PTPRN2: variants seen among roughly 807,000 people sequenced by gnomAD.
PTPRN2 encodes the protein protein tyrosine phosphatase receptor type N2, also known as receptor-type tyrosine-protein phosphatase N2.
Under a neutral mutation model 118.8 loss-of-function variants are expected in PTPRN2, and 74 were observed. The ratio of observed to expected loss-of-function variants is 0.62; its 90% CI spans 0.52 to 0.76. The LOEUF (loss-of-function observed/expected upper bound fraction) is 0.76, where lower values mean the gene tolerates loss of function less well. Ranked by LOEUF, PTPRN2 falls within the 30% of genes least tolerant of loss-of-function variation. PTPRN2 has a pLI of 0.00. For synonymous variants in PTPRN2, 641 were observed against 608.0 expected, an observed-to-expected ratio of 1.05 and a Z score of -0.80; for missense variants, 1,481 against 1,394.4, an observed-to-expected ratio of 1.06 and a Z score of -0.99.
chr7:158,341,722 C>G (rs1199202557), intron 2 of PTPRN2, among the ~76,000 whole-genome samples: 24 of 140,298 alleles, frequency 1.7e-4, no homozygotes, highest in Non-Finnish European at 2.3e-4. Context: ...CACCATAGAG[C>G]TGACGCCCGC....
chr7:158,320,894 C>T (rs1440176155), intron 2 of PTPRN2, among the ~76,000 whole-genome samples: 1 of 151,990 alleles, frequency 6.6e-6, no homozygotes, highest in Non-Finnish European at 1.5e-5. Flanking sequence ...TGGATACGTG[C>T]CTAGCAGTGA....
rs540028633 is a variant in PTPRN2, at chr7:158,528,418, G to A, written c.113-38633C>T. ...CCTGTGAAATGCACATTTACAAAGC[G>A]TCACCTGGTGTATCAGGAACAGGTT... On this transcript the variant is annotated intron_variant, in intron 1 of 22. Transcript: ENST00000389418. Among the ~76,000 whole-genome samples, 74 of 152,240 alleles carry A rather than the reference G, an allele frequency of 4.9e-4. 1 individual carries two copies. Among genetic ancestry groups the A allele is most frequent in the African/African-American group, 1.7e-3 (70 of 41,534 alleles).
chr7:157,574,304 A>G, intron 19 of PTPRN2: 2 of 493,514 alleles, frequency 4.1e-6, no homozygotes, highest in Non-Finnish European at 8.7e-6. Flanking sequence ...GGCTCAGAAA[A>G]GGGGCTTTCC....
Position 158,081,306 on chromosome 7 carries a change from T to C in PTPRN2, c.1715A>G (p.Lys572Arg), listed in dbSNP as rs753698839. Residue 572 changes from lysine (K) to arginine (R), a missense_variant, in exon 11 of 23, where the codon AAG (lysine) becomes AGG (arginine). Physicochemically the swap from Lys to Arg is conservative, Grantham distance 26 (BLOSUM62 2). Around this residue, in one of 3 missense-constraint regions of PTPRN2, gnomAD observed 1,115 missense variants for 994.2 expected, o/e 1.12. Transcript: ENST00000389418. ...TGTGGAAACAGCCTCACCTGTGGCCTTCTCCACATCCTCAGTGGTCACGTT... is the reference window on the plus strand; with the variant it reads ...TGTGGAAACAGCCTCACCTGTGGCCCTCTCCACATCCTCAGTGGTCACGTT... ...VQNVTTEDVE[K>R]ATVDNKDKLE... 8 of 1,613,822 alleles carry C rather than the reference T, an allele frequency of 5.0e-6. No individual in the cohort carries two copies. Among genetic ancestry groups the C allele is most frequent in the Admixed American group, 1.7e-5 (1 of 60,006 alleles).
At chr7:158,428,417 A>C (rs1159151327) in intron 2 of PTPRN2, among the ~76,000 whole-genome samples, 4 of 152,170 alleles carry the variant, frequency 2.6e-5, no homozygotes, top group Non-Finnish European at 5.9e-5. Context: ...GTGCCACCGC[A>C]CAGAAACTGC....
At chr7:158,454,991 G>A (rs1456077594) in intron 2 of PTPRN2, among the ~76,000 whole-genome samples, 2 of 152,238 alleles carry the variant, frequency 1.3e-5, no homozygotes, top group East Asian at 1.9e-4. Flanking sequence ...GCAAACACAC[G>A]CTCCACTTGC....
intron 12 of PTPRN2, among the ~76,000 whole-genome samples, chr7:157,824,915 G>A (rs1024943208): frequency 2.6e-5 from 4 of 152,178 alleles, no homozygotes; most frequent in African/African-American, 9.7e-5. Flanking sequence ...GGCGGATCAC[G>A]AGCGGCACCC....
At chr7:157,744,302 G>GGA (rs1055037813) in intron 12 of PTPRN2, among the ~76,000 whole-genome samples, 1 of 152,142 alleles carries the variant, frequency 6.6e-6, no homozygotes, top group Admixed American at 6.5e-5. Context: ...AGACATCGAA[G>GGA]GAGATTCAAG....
At chr7:158,222,902 T>G (rs1828477368) in intron 3 of PTPRN2, among the ~76,000 whole-genome samples, 2 of 151,914 alleles carry the variant, frequency 1.3e-5, no homozygotes, top group South Asian at 4.2e-4. Context: ...AGCTGGTTCC[T>G]TGAAAAAAAT....
intron 11 of PTPRN2, among the ~76,000 whole-genome samples, chr7:158,017,113 G>A (rs1291622074): frequency 6.6e-6 from 1 of 152,144 alleles, no homozygotes; most frequent in Non-Finnish European, 1.5e-5. Context: ...CATGGCAAAG[G>A]GCCCAGTGGT....
chr7:158,375,863 C>T (rs756755666), intron 2 of PTPRN2, among the ~76,000 whole-genome samples: 1 of 152,108 alleles, frequency 6.6e-6, no homozygotes, highest in Non-Finnish European at 1.5e-5. Flanking sequence ...AGATCCCTTC[C>T]CACTCCATCC....
At chr7:158,084,679 G>A (rs144732831) in intron 10 of PTPRN2, among the ~76,000 whole-genome samples, 285 of 139,000 alleles carry the variant, frequency 2.1e-3, no homozygotes, top group African/African-American at 7.1e-3. Context: ...CCACACCCAC[G>A]ACGCCCATCC....
At chr7:158,328,785 G>T (rs952087391) in intron 2 of PTPRN2, among the ~76,000 whole-genome samples, 3 of 124,178 alleles carry the variant, frequency 2.4e-5, no homozygotes, top group African/African-American at 1.1e-4. Flanking sequence ...TAGGAGCGGG[G>T]CCTCCATTCC....
At position 157,780,270 on chromosome 7, in the gene PTPRN2, C is replaced by T. The variant is rs573630962; in HGVS notation, c.1789-97333G>A. ...GCTCGCTCCCCTTGCTCCTTACACA[C>T]GGCCTTCCCACTCCCAGCTAACACC... On this transcript the variant is annotated intron_variant, in intron 12 of 22. Coordinates refer to ENST00000389418, the MANE Select transcript of PTPRN2 (RefSeq NM_002847.5). This position sits in a 1 kb window ranked among gnomAD's most constrained non-coding sequence, Gnocchi z 4.5. Among the ~76,000 whole-genome samples the T allele has an allele frequency of 2.0e-5, 3 of 152,212 alleles. No homozygotes were observed. The highest frequency in any genetic ancestry group is 6.5e-5 in the Admixed American group (1 of 15,286).
rs543751497 is a variant in PTPRN2, at chr7:158,570,389, C to G, written c.112+17169G>C. ...AATTAATACATAATAAAGGCTGCGT[C>G]CAACCAGATGAGGACAGAACCGAGC... On this transcript the variant is annotated intron_variant, in intron 1 of 22. Coordinates refer to ENST00000389418, the MANE Select transcript of PTPRN2 (RefSeq NM_002847.5). This position sits in a 1 kb window ranked among gnomAD's most constrained non-coding sequence, Gnocchi z 4.5. 7.2e-5 allele frequency among the ~76,000 whole-genome samples: 11 copies of G among 152,320 alleles called. No individual in the cohort carries two copies. The South Asian group carries it at 2.3e-3, about 32-fold the overall frequency.
chr7:158,307,006 A>G (rs1801355433), intron 3 of PTPRN2, among the ~76,000 whole-genome samples: 1 of 152,024 alleles, frequency 6.6e-6, no homozygotes, highest in South Asian at 2.1e-4. Context: ...AACTGGGATT[A>G]CAGGCATGCA....
rs1442326481 is a variant in PTPRN2 at position 157,615,514 on chromosome 7, TG to T, written c.2344+5847del. On this transcript the variant is annotated intron_variant, in intron 15 of 22. Coordinates refer to ENST00000389418, the MANE Select transcript of PTPRN2 (RefSeq NM_002847.5). The surrounding 1 kb of genome is among the most constrained non-coding windows in gnomAD (Gnocchi z 4.3). ...AATATGCTCGGGACCTGGGGACGGC[TG>T]GGGTGACCCCATCGCAAGGCCGGGC... The T allele has an allele frequency of 3.4e-5, 16 of 471,212 alleles. No individual in the cohort carries two copies. The highest frequency in any genetic ancestry group is 6.5e-4 in the Middle Eastern group (2 of 3,078). 29.2% of individuals were successfully genotyped at this position (471,212 alleles called of 1,614,324 possible).
intron 2 of PTPRN2, among the ~76,000 whole-genome samples, chr7:158,421,818 G>A (rs1313746923): frequency 3.3e-5 from 5 of 152,208 alleles, no homozygotes; most frequent in Non-Finnish European, 7.3e-5. Flanking sequence ...TTTAAAAGTA[G>A]TGACCAAACC....
At chr7:158,332,976 G>C (rs1586315692) in intron 2 of PTPRN2, among the ~76,000 whole-genome samples, 2 of 141,524 alleles carry the variant, frequency 1.4e-5, no homozygotes, top group South Asian at 2.2e-4. Flanking sequence ...CATAAGAGGT[G>C]ACACCTGCAG....
Sources: gnomAD v4.1 joint callset for allele counts (sites outside exome capture counted in the v4.1 genomes callset) on GRCh38, gnomAD v4.1.1 for gene constraint, gnomAD v4.1.1 regional missense constraint, Gnocchi (gnomAD v3.1) non-coding constraint, MANE v1.5 for transcripts, NCBI Gene and HGNC (gene_info 2026-07-23, HGNC 2026-07-21) for gene names.